ANAPC1: variants seen among roughly 807,000 people sequenced by gnomAD.
ANAPC1 encodes the protein anaphase-promoting complex subunit 1.
ANAPC1 carries 36 observed loss-of-function variants against 208.0 expected under a neutral mutation model. The ratio of observed to expected loss-of-function variants is 0.17; its 90% confidence interval spans 0.13 to 0.23. ANAPC1 has a LOEUF of 0.23. Among genes scored for constraint, ANAPC1 ranks in the 10% least tolerant of loss-of-function variants. ANAPC1 has a pLI of 1.00. For synonymous variants in ANAPC1, 378 were observed against 695.2 expected, an observed-to-expected ratio of 0.54 and a Z score of 7.18; for missense variants, 942 against 2,011.6, an observed-to-expected ratio of 0.47 and a Z score of 10.17.
In ANAPC1 at chr2:111,801,905, G is replaced by GA. The variant is rs201788761; in HGVS notation, c.4221+522dup. Among the ~76,000 whole-genome samples the GA allele has an allele frequency of 3.5e-3, 529 of 151,528 alleles. 11 individuals carry two copies. The highest frequency in any genetic ancestry group is 1.5e-3 in the Non-Finnish European group (101 of 67,866). ...TTCTATATGCTAAGTTTAAACATCA[G>GA]AAAAAAAAGAATTAGAGGGAAAATT... On this transcript the variant is annotated intron_variant, in intron 33 of 47. Coordinates refer to ENST00000341068, the MANE Select transcript of ANAPC1 (RefSeq NM_022662.4).
rs551409470 is a variant in ANAPC1 at position 111,798,626 on chromosome 2, A to G, written c.4296+2171T>C. Among the ~76,000 whole-genome samples, 23 of 152,290 alleles carry G rather than the reference A, an allele frequency of 1.5e-4. No homozygotes were observed. The East Asian group carries it at 3.9e-3, about 26-fold the overall frequency. On this transcript the variant is annotated intron_variant, in intron 34 of 47. Transcript: ENST00000341068. Reference sequence around the variant, plus strand: ...TTTTTCATAGGAATAGAGAATAACCATAAGAAAAAACTGACAAATCAGACA... The same window carrying G: ...TTTTTCATAGGAATAGAGAATAACCGTAAGAAAAAACTGACAAATCAGACA...
At chr2:111,776,358 A>G (rs1420667890) in intron 46 of ANAPC1, among the ~76,000 whole-genome samples, 1 of 143,638 alleles carries the variant, frequency 7.0e-6, no homozygotes, top group African/African-American at 2.6e-5. Flanking sequence ...TTTCCTTGCA[A>G]TCACAAATCC....
chr2:111,866,751 A>ATT (rs1682441011), intron 7 of ANAPC1, among the ~76,000 whole-genome samples: 1 of 150,746 alleles, frequency 6.6e-6, no homozygotes, highest in Non-Finnish European at 1.5e-5. Flanking sequence ...AAATAAAACG[A>ATT]CTAAAAACAG....
At chr2:111,860,157 G>A (rs1054447584) in intron 10 of ANAPC1, among the ~76,000 whole-genome samples, 28 of 151,852 alleles carry the variant, frequency 1.8e-4, no homozygotes, top group Non-Finnish European at 2.6e-4. Flanking sequence ...AAATTAGTCA[G>A]GCGTGGCGGT....
At chr2:111,771,828 A>G (rs1676755043) in intron 47 of ANAPC1, among the ~76,000 whole-genome samples, 1 of 152,054 alleles carries the variant, frequency 6.6e-6, no homozygotes, top group Non-Finnish European at 1.5e-5. Context: ...AGAATTCATC[A>G]TATCTTAGTA....
At chr2:111,843,866 C>T (rs1386778996) in intron 16 of ANAPC1, among the ~76,000 whole-genome samples, 1 of 120,682 alleles carries the variant, frequency 8.3e-6, no homozygotes, top group African/African-American at 3.2e-5. Context: ...GCTCTGTTGC[C>T]CAGGCTGGAG....
chr2:111,792,599 T>C lies in ANAPC1; in HGVS notation c.4519-44A>G, dbSNP rs774406897. ...ACATCACTGTAACTGTTGTGTTACA[T>C]TTCTTTATTATCAGAACTAGCTTAG... is the stretch of plus-strand genomic sequence containing the variant. On this transcript the variant is annotated intron_variant, in intron 37 of 47. Coordinates refer to ENST00000341068, the MANE Select transcript of ANAPC1 (RefSeq NM_022662.4). 14 of 1,565,740 alleles carry C rather than the reference T, an allele frequency of 8.9e-6. No homozygotes were observed. The Admixed American group carries it at 2.5e-4, about 28-fold the overall frequency.
At chr2:111,862,345 T>G (rs1558732097) in intron 10 of ANAPC1, 44 bp downstream of exon 10, 7 of 1,418,326 alleles carry the variant, frequency 4.9e-6, no homozygotes, top group Non-Finnish European at 6.5e-6. Flanking sequence ...TCCCAAGACT[T>G]TCAGCAACAT....
At position 111,843,478 on chromosome 2, in the gene ANAPC1, A is replaced by T. The variant is rs751180515; in HGVS notation, c.1974T>A (p.Asn658Lys). The T allele has an allele frequency of 6.2e-7, 1 of 1,611,972 alleles. No homozygotes were observed. Among genetic ancestry groups the T allele is most frequent in the Middle Eastern group, 2.3e-4 (1 of 4,430 alleles). The change falls in exon 17 of 48, where the codon AAT becomes AAA. Residue 658 changes from asparagine to lysine, a missense_variant. By Grantham distance (94) the Asn-to-Lys change is moderately conservative. Transcript: ENST00000341068. Reference sequence around the variant, plus strand: ...TGTTCATGAGACAAGTCACAAATAAATTCCACTCTGAGTGATAACTGGGTC... The same window carrying T: ...TGTTCATGAGACAAGTCACAAATAATTTCCACTCTGAGTGATAACTGGGTC... Reference protein sequence around the residue: ...PGGPSYHSEWNLFVTCLMNMM... With the variant: ...PGGPSYHSEWKLFVTCLMNMM...
At chr2:111,879,508 T>C (rs1466766434) in intron 2 of ANAPC1, among the ~76,000 whole-genome samples, 1 of 152,190 alleles carries the variant, frequency 6.6e-6, no homozygotes, top group Non-Finnish European at 1.5e-5. Context: ...CCCAAAGGGA[T>C]ATGACAATGG....
At chr2:111,820,129 C>T (rs1488746876) in intron 26 of ANAPC1, among the ~76,000 whole-genome samples, 1 of 152,222 alleles carries the variant, frequency 6.6e-6, no homozygotes, top group Non-Finnish European at 1.5e-5. Context: ...GACACCTGTT[C>T]ACTGAAATAC....
intron 13 of ANAPC1, 60 bp downstream of exon 13, chr2:111,856,554 A>G (rs576287096): frequency 1.4e-6 from 2 of 1,459,778 alleles, no homozygotes; most frequent in East Asian, 2.3e-5. Flanking sequence ...TAACATTACA[A>G]ATATTCATGC....
intron 22 of ANAPC1, among the ~76,000 whole-genome samples, 188 bp downstream of exon 22, chr2:111,825,589 G>T (rs1010894405): frequency 3.9e-5 from 6 of 152,216 alleles, no homozygotes; most frequent in Non-Finnish European, 8.8e-5. Context: ...AATACAAGAT[G>T]TATTAGATTT....
intron 22 of ANAPC1, 57 bp from the exon 23 acceptor site, chr2:111,825,224 G>C (rs1679770349): frequency 1.9e-5 from 30 of 1,582,420 alleles, no homozygotes; most frequent in Non-Finnish European, 2.6e-5. Context: ...AAGAAAACAT[G>C]TAACATGTAG....
intron 16 of ANAPC1, among the ~76,000 whole-genome samples, chr2:111,846,551 A>ATTTT (rs1681082535): frequency 1.5e-5 from 1 of 64,684 alleles, no homozygotes. Flanking sequence ...ATATATATAT[A>ATTTT]TATATATATT....
chr2:111,798,412 G>C (rs2140055), intron 34 of ANAPC1, among the ~76,000 whole-genome samples: 7,824 of 142,480 alleles, frequency 0.055, 457 homozygotes, highest in African/African-American at 0.17. Flanking sequence ...TACATGTCAG[G>C]TCCCAATTAA....
intron 13 of ANAPC1, among the ~76,000 whole-genome samples, chr2:111,853,241 A>C (rs966978924): frequency 1.3e-5 from 2 of 152,144 alleles, no homozygotes; most frequent in African/African-American, 2.4e-5. Context: ...TATTTGAAGA[A>C]CACTTCTTAT....
At chr2:111,827,681 G>T (rs534462157) in intron 21 of ANAPC1, among the ~76,000 whole-genome samples, 3 of 151,976 alleles carry the variant, frequency 2.0e-5, no homozygotes, top group Non-Finnish European at 4.4e-5. Context: ...CTTGAGCCCC[G>T]GGAGGTTGAG....
chr2:111,767,340 G>A (rs1160940183), downstream of ANAPC1, among the ~76,000 whole-genome samples: 1 of 151,064 alleles, frequency 6.6e-6, no homozygotes, highest in Non-Finnish European at 1.5e-5. Flanking sequence ...TTCCCTTTGA[G>A]CCACGGCTCT....
Sources: gnomAD v4.1 joint callset for allele counts (sites outside exome capture counted in the v4.1 genomes callset) on GRCh38, gnomAD v4.1.1 for gene constraint, MANE v1.5 for transcripts, NCBI Gene and HGNC (gene_info 2026-07-23, HGNC 2026-07-21) for gene names.